The following ATP8A2 variants were observed in gnomAD, a reference collection of about 807,000 sequenced individuals.
ATP8A2 encodes the protein phospholipid-transporting ATPase IB.
Under a neutral mutation model 165.6 loss-of-function variants are expected in ATP8A2, and 100 were observed. The observed-to-expected ratio is 0.60, with a 90% CI of 0.51 to 0.71. The LOEUF is 0.71. Among genes scored for constraint, ATP8A2 ranks in the 30% least tolerant of loss-of-function variants. ATP8A2 has a pLI of 0.00. For synonymous variants in ATP8A2, 543 were observed against 548.8 expected (o/e 0.99, Z 0.15); for missense variants, 1,227 against 1,479.5 (o/e 0.83, Z 2.80).
At chr13:25,566,282 A>G (rs1418333806) in intron 16 of ATP8A2, among the ~76,000 whole-genome samples, 1 of 150,648 alleles carries the variant, frequency 6.6e-6, no homozygotes, top group African/African-American at 2.5e-5. Context: ...CAGCTACAGA[A>G]TCCTTTCTTG....
chr13:25,754,383 C>T (rs988738516), intron 25 of ATP8A2, among the ~76,000 whole-genome samples: 4 of 151,624 alleles, frequency 2.6e-5, no homozygotes, highest in Non-Finnish European at 5.9e-5. Context: ...AAAACTTCAC[C>T]TTTTAAACAT....
chr13:25,897,890 T>A (rs1953609091), intron 33 of ATP8A2, among the ~76,000 whole-genome samples: 1 of 152,232 alleles, frequency 6.6e-6, no homozygotes, highest in Admixed American at 6.5e-5. Context: ...CTCCATCAGC[T>A]CCTTCAAGGA....
At chr13:25,741,636 C>G (rs1430957802) in intron 25 of ATP8A2, among the ~76,000 whole-genome samples, 3 of 152,064 alleles carry the variant, frequency 2.0e-5, no homozygotes, top group Non-Finnish European at 4.4e-5. Context: ...CTCAGCCTCC[C>G]AAGGTGCTGA....
At chr13:25,437,739 A>G (rs2034819351) in intron 1 of ATP8A2, among the ~76,000 whole-genome samples, 1 of 152,218 alleles carries the variant, frequency 6.6e-6, no homozygotes, top group South Asian at 2.1e-4. Flanking sequence ...TAAAGAAAAT[A>G]TGTTAAGGGA....
At chr13:25,425,462 C>CT (rs1185474948) in intron 1 of ATP8A2, among the ~76,000 whole-genome samples, 2,475 of 58,926 alleles carry the variant, frequency 0.042, 152 homozygotes, top group African/African-American at 0.055. Flanking sequence ...TCTTTCTTTC[C>CT]TTTTTTTTTT....
intron 25 of ATP8A2, among the ~76,000 whole-genome samples, chr13:25,754,951 C>T (rs1390919421): frequency 1.3e-5 from 2 of 152,132 alleles, no homozygotes; most frequent in African/African-American, 2.4e-5. Context: ...TAGACTTCCA[C>T]TTATACTAAT....
intron 34 of ATP8A2, among the ~76,000 whole-genome samples, chr13:25,962,739 G>T (rs924047658): frequency 1.3e-5 from 2 of 152,136 alleles, no homozygotes; most frequent in African/African-American, 4.8e-5. Flanking sequence ...AAAGACATCA[G>T]ATTTCATTTT....
intron 1 of ATP8A2, among the ~76,000 whole-genome samples, chr13:25,384,281 G>A (rs920838092): frequency 1.3e-5 from 2 of 152,142 alleles, no homozygotes; most frequent in East Asian, 3.8e-4. Context: ...ATTTCAATAC[G>A]ATGGTTTAAG....
intron 27 of ATP8A2, among the ~76,000 whole-genome samples, chr13:25,782,282 G>A (rs2044900193): frequency 1.3e-5 from 2 of 152,242 alleles, no homozygotes; most frequent in Admixed American, 1.3e-4. Context: ...TGGCAGCTAT[G>A]AGTGCGGTGT....
At chr13:25,528,382 T>C (rs150180092) in intron 2 of ATP8A2, among the ~76,000 whole-genome samples, 92 of 151,686 alleles carry the variant, frequency 6.1e-4, no homozygotes, top group Non-Finnish European at 1.1e-3. Flanking sequence ...GATCACTGTA[T>C]TGTGAAATGC....
chr13:25,411,439 G>A (rs886733905), intron 1 of ATP8A2, among the ~76,000 whole-genome samples: 3 of 152,190 alleles, frequency 2.0e-5, no homozygotes, highest in Non-Finnish European at 2.9e-5. Context: ...AGCTTTCTCA[G>A]AGCCTTAATT....
intron 2 of ATP8A2, among the ~76,000 whole-genome samples, chr13:25,491,496 G>A (rs1050072954): frequency 6.6e-6 from 1 of 152,134 alleles, no homozygotes; most frequent in African/African-American, 2.4e-5. Flanking sequence ...TCAAAGTGCC[G>A]GGATTGCAAG....
intron 24 of ATP8A2, among the ~76,000 whole-genome samples, chr13:25,625,874 T>C (rs761912648): frequency 2.1e-4 from 32 of 152,320 alleles, no homozygotes; most frequent in South Asian, 4.1e-4. Flanking sequence ...GATGAATATG[T>C]TAGGCTCAGA....
At chr13:25,734,097 T>C (rs2043714218) in intron 25 of ATP8A2, among the ~76,000 whole-genome samples, 1 of 152,248 alleles carries the variant, frequency 6.6e-6, no homozygotes. Flanking sequence ...CATGAAAAGC[T>C]TGCTATGCAC....
At chr13:25,522,276 C>G (rs545277654) in intron 2 of ATP8A2, among the ~76,000 whole-genome samples, 9 of 152,192 alleles carry the variant, frequency 5.9e-5, no homozygotes, top group African/African-American at 2.2e-4. Context: ...AGATTGTTTG[C>G]TGTTGGCATA....
intron 7 of ATP8A2, among the ~76,000 whole-genome samples, chr13:25,539,931 T>G (rs1183022854): frequency 6.6e-6 from 1 of 152,242 alleles, no homozygotes; most frequent in Admixed American, 6.5e-5. Context: ...GTGTTTCTAC[T>G]GGCCATGCCT....
Position 25,558,974 on chromosome 13 carries a change from T to C in ATP8A2, c.1265T>C (p.Val422Ala), listed in dbSNP as rs2138102282. ...TATTTCTTTTATTCTTTGGTTTAGGTGAAATATCTCTTTTCTGACAAGACT... is the reference window on the plus strand; with the variant it reads ...TATTTCTTTTATTCTTTGGTTTAGGCGAAATATCTCTTTTCTGACAAGACT... ...TSNLNEELGQ[V>A]KYLFSDKTGT... The change falls in exon 14 of 37, where the codon GTG becomes GCG. Residue 422 changes from valine (V) to alanine (A), a missense_variant and splice_region_variant. By Grantham distance (64) the Val-to-Ala change is moderately conservative. Coordinates refer to ENST00000381655, the MANE Select transcript of ATP8A2 (RefSeq NM_016529.6). The C allele has an allele frequency of 6.3e-7, 1 of 1,597,476 alleles. No individual in the cohort carries two copies. Among genetic ancestry groups the C allele is most frequent in the East Asian group, 2.2e-5 (1 of 44,678 alleles).
At position 25,680,076 on chromosome 13, in the gene ATP8A2, C is replaced by T. The variant is rs184850896; in HGVS notation, c.2212-19097C>T. Among the ~76,000 whole-genome samples the T allele has an allele frequency of 7.2e-5, 11 of 152,236 alleles. No individual in the cohort carries two copies. The East Asian group carries it at 1.7e-3, about 24-fold the overall frequency. ...GGAGAGAAATTTCATGCTCTACGTT[C>T]TTGGTGTGACCGTGCTAATTGTGTG... is the stretch of plus-strand genomic sequence containing the variant. On this transcript the variant is annotated intron_variant, in intron 24 of 36. Coordinates refer to ENST00000381655, the MANE Select transcript of ATP8A2 (RefSeq NM_016529.6).
chr13:25,764,917 G>A (rs549180378), intron 25 of ATP8A2, among the ~76,000 whole-genome samples: 3 of 152,252 alleles, frequency 2.0e-5, no homozygotes, highest in East Asian at 3.9e-4. Context: ...GATCGGAGGA[G>A]GTAAAGAATC....
Sources: allele counts gnomAD v4.1 joint callset (sites outside exome capture counted in the v4.1 genomes callset), GRCh38; gene constraint gnomAD v4.1.1; transcripts MANE v1.5; gene names NCBI Gene and HGNC (gene_info 2026-07-23, HGNC 2026-07-21).